Variants in CSGALNACT1 observed in about 807,000 individuals in gnomAD.
CSGALNACT1 encodes the protein beta4GalNAcT-1.
In CSGALNACT1, 52 loss-of-function variants were observed where a neutral mutation model predicts 51.0. The observed-to-expected ratio is 1.02, with a 90% CI of 0.82 to 1.29. The LOEUF (loss-of-function observed/expected upper bound fraction) is 1.29. Among genes scored for constraint, CSGALNACT1 ranks in the 50% most tolerant of loss-of-function variants. The pLI, the probability that CSGALNACT1 is intolerant of heterozygous loss-of-function variation, is 0.00. For synonymous variants in CSGALNACT1, 341 were observed against 254.4 expected, an observed-to-expected ratio of 1.34 and a Z score of -3.24; for missense variants, 935 against 679.2, an observed-to-expected ratio of 1.38 and a Z score of -4.19.
chr8:19,478,303 A>C (rs1461641091), intron 4 of CSGALNACT1, among the ~76,000 whole-genome samples: 6 of 150,606 alleles, frequency 4.0e-5, no homozygotes, highest in Non-Finnish European at 7.4e-5. Flanking sequence ...AGTCCCAGCT[A>C]CTCGGGAGGC....
chr8:19,408,468 CTTTTTT>C (rs1186216767), intron 9 of CSGALNACT1, 139 bp downstream of exon 8: 18 of 469,588 alleles, frequency 3.8e-5, no homozygotes, highest in Admixed American at 1.3e-4. Context: ...TCTGGAATAG[CTTTTTT>C]TTTTTTTTTT....
At chr8:19,664,314 C>T (rs986762045) in intron 1 of CSGALNACT1, among the ~76,000 whole-genome samples, 9 of 152,090 alleles carry the variant, frequency 5.9e-5, no homozygotes, top group African/African-American at 2.2e-4. Context: ...AGAATGGCTA[C>T]TATTAAAGAG....
At chr8:19,458,039 G>A (rs1156960201) in intron 5 of CSGALNACT1, among the ~76,000 whole-genome samples, 3 of 152,210 alleles carry the variant, frequency 2.0e-5, no homozygotes, top group Non-Finnish European at 4.4e-5. Flanking sequence ...GTCAACGTGG[G>A]CTCTGCCACC....
chr8:19,554,136 C>T (rs28478349), intron 3 of CSGALNACT1, among the ~76,000 whole-genome samples: 14,825 of 151,876 alleles, frequency 0.098, 758 homozygotes, highest in East Asian at 0.15. Context: ...GAACATAATA[C>T]AGGGAAATTT....
At chr8:19,449,754 TCA>T (rs2062763472) in intron 5 of CSGALNACT1, among the ~76,000 whole-genome samples, 1 of 149,526 alleles carries the variant, frequency 6.7e-6, no homozygotes, top group South Asian at 2.2e-4. Context: ...AAAAGGGTTC[TCA>T]GTCTAGCTGG....
chr8:19,718,824 G>A (rs1054178224), intron 1 of CSGALNACT1, among the ~76,000 whole-genome samples: 9 of 152,080 alleles, frequency 5.9e-5, no homozygotes, highest in Non-Finnish European at 8.8e-5. Context: ...GGATCACCAC[G>A]ACCGTGAAGC....
intron 3 of CSGALNACT1, among the ~76,000 whole-genome samples, chr8:19,543,973 A>T (rs1056285074): frequency 6.6e-6 from 1 of 152,222 alleles, no homozygotes; most frequent in Non-Finnish European, 1.5e-5. Context: ...TGATCAGCTT[A>T]GAGTTTTAGG....
chr8:19,632,142 T>C (rs2055353570), intron 1 of CSGALNACT1, among the ~76,000 whole-genome samples: 1 of 152,248 alleles, frequency 6.6e-6, no homozygotes, highest in African/African-American at 2.4e-5. Context: ...AACCAAATTC[T>C]TGAAGAAAGA....
intron 6 of CSGALNACT1, among the ~76,000 whole-genome samples, chr8:19,434,950 C>G (rs1051265138): frequency 6.6e-6 from 1 of 152,058 alleles, no homozygotes; most frequent in African/African-American, 2.4e-5. Flanking sequence ...GGGTATCTGT[C>G]AAATCATTTG....
In CSGALNACT1 at chr8:19,622,286, G is replaced by A. The variant is rs79861188; in HGVS notation, c.-543-20421C>T. 1.1e-3 allele frequency among the ~76,000 whole-genome samples: 163 copies of A among 152,232 alleles called. 4 individuals are homozygous for A. The East Asian group carries it at 0.029, about 28-fold the overall frequency. ...GATCCTAAATATATCCATGTTTGAA[G>A]GTTGAGATGTAATTCCAAGCACTAT... On this transcript the variant is annotated intron_variant, in intron 1 of 9. Coordinates refer to the CSGALNACT1 transcript ENST00000332246.
intron 3 of CSGALNACT1, among the ~76,000 whole-genome samples, chr8:19,554,968 G>A (rs1035551541): frequency 3.3e-5 from 5 of 151,462 alleles, no homozygotes; most frequent in African/African-American, 9.7e-5. Flanking sequence ...AGCCGGGCGT[G>A]GTGGCTCATG....
At position 19,513,452 on chromosome 8, in the gene CSGALNACT1, A is replaced by C. The variant is rs1464181523; in HGVS notation, c.-296-7322T>G. Among the ~76,000 whole-genome samples the C allele has an allele frequency of 2.3e-4, 32 of 141,712 alleles. No homozygotes were observed. In the South Asian group the frequency reaches 6.4e-3, roughly 28 times the overall value. The allele number at this position is 141,712 out of a possible 152,430, so 93.0% of individuals were successfully genotyped here. On this transcript the variant is annotated intron_variant, in intron 3 of 9. Coordinates refer to ENST00000454498, the Ensembl canonical transcript of CSGALNACT1. Reference sequence around the variant, plus strand: ...TCTCTCTCTCTATATATATATATATATATATATATATTTTGTGCCATCTGC... The same window carrying C: ...TCTCTCTCTCTATATATATATATATCTATATATATATTTTGTGCCATCTGC...
intron 5 of CSGALNACT1, among the ~76,000 whole-genome samples, chr8:19,448,995 T>TC (rs1380448114): frequency 2.0e-5 from 3 of 152,050 alleles, no homozygotes; most frequent in Non-Finnish European, 4.4e-5. Context: ...GAGGGTCATC[T>TC]CCCCTCCCCT....
intron 1 of CSGALNACT1, among the ~76,000 whole-genome samples, chr8:19,716,927 T>C (rs1219379822): frequency 6.6e-6 from 1 of 152,218 alleles, no homozygotes; most frequent in Non-Finnish European, 1.5e-5. Flanking sequence ...TAATTATATA[T>C]GACTAAGGGT....
At chr8:19,522,617 G>A (rs571744865) in intron 3 of CSGALNACT1, among the ~76,000 whole-genome samples, 1 of 152,302 alleles carries the variant, frequency 6.6e-6, no homozygotes, top group African/African-American at 2.4e-5. Flanking sequence ...GCTGCAAGCA[G>A]CAGAAGCATT....
chr8:19,632,490 C>A (rs1000522103), intron 1 of CSGALNACT1, among the ~76,000 whole-genome samples: 2 of 152,228 alleles, frequency 1.3e-5, no homozygotes, highest in African/African-American at 4.8e-5. Context: ...AAGCATTCGT[C>A]AGAAATAAGC....
At chr8:19,537,898 C>T (rs1164249102) in intron 3 of CSGALNACT1, among the ~76,000 whole-genome samples, 1 of 152,190 alleles carries the variant, frequency 6.6e-6, no homozygotes, top group Non-Finnish European at 1.5e-5. Context: ...ATACATTGGA[C>T]TTCATTAAAA....
intron 2 of CSGALNACT1, among the ~76,000 whole-genome samples, chr8:19,600,474 C>G (rs533357780): frequency 9.9e-5 from 15 of 152,156 alleles, no homozygotes; most frequent in Non-Finnish European, 2.1e-4. Context: ...AATGACATTG[C>G]TCTCTTTTGT....
chr8:19,596,294 C>A (rs1387618046), intron 2 of CSGALNACT1, among the ~76,000 whole-genome samples: 1 of 151,994 alleles, frequency 6.6e-6, no homozygotes. Flanking sequence ...GTGATATTGA[C>A]AGTTTTAGAG....
Sources: gnomAD v4.1 joint callset for allele counts (sites outside exome capture counted in the v4.1 genomes callset) on GRCh38, gnomAD v4.1.1 for gene constraint, MANE v1.5 for transcripts, NCBI Gene and HGNC (gene_info 2026-07-23, HGNC 2026-07-21) for gene names.